The following KCTD5 variants were observed in gnomAD, a reference collection of about 807,000 sequenced individuals.
KCTD5 encodes the protein BTB/POZ domain-containing protein KCTD5.
KCTD5 carries 12 observed loss-of-function variants against 27.9 expected under a neutral mutation model. That is an observed-to-expected ratio of 0.43 (90% CI 0.28 to 0.70). The LOEUF is 0.70. KCTD5 is among the 30% of genes least tolerant of loss of function. The pLI is 0.19. For missense variants in KCTD5, 226 were observed against 274.8 expected (o/e 0.82, Z 1.26); for synonymous variants, 147 against 121.4 (o/e 1.21, Z -1.39).
intron 5 of KCTD5, among the ~76,000 whole-genome samples, chr16:2,703,324 G>T (rs2142059198): frequency 6.6e-6 from 1 of 152,172 alleles, no homozygotes; most frequent in East Asian, 1.9e-4. Context: ...TGGCTGGAGA[G>T]CTCTTGGCTG....
At chr16:2,699,077 C>G (rs1369432779) in intron 3 of KCTD5, 7 of 451,592 alleles carry the variant, frequency 1.6e-5, no homozygotes, top group Non-Finnish European at 8.9e-6. Context: ...GTCACTCAGG[C>G]ATCCCTGGCA....
chr16:2,701,577 C>T (rs1436158984), intron 4 of KCTD5, among the ~76,000 whole-genome samples: 1 of 152,236 alleles, frequency 6.6e-6, no homozygotes, highest in African/African-American at 2.4e-5. Flanking sequence ...GGTCAGCCGC[C>T]AGCTATACAG....
intron 1 of KCTD5, among the ~76,000 whole-genome samples, chr16:2,691,372 G>T (rs1017491827): frequency 1.3e-5 from 2 of 152,232 alleles, no homozygotes; most frequent in African/African-American, 4.8e-5. Flanking sequence ...GAGCTGTGAG[G>T]CCAGCCACAG....
intron 5 of KCTD5, among the ~76,000 whole-genome samples, chr16:2,706,143 G>A (rs2067634771): frequency 6.6e-6 from 1 of 152,216 alleles, no homozygotes; most frequent in Non-Finnish European, 1.5e-5. Context: ...GCTAGAAGTG[G>A]TCCAGGGCAC....
chr16:2,706,690 C>T (rs1246267449), intron 5 of KCTD5, among the ~76,000 whole-genome samples: 6 of 151,710 alleles, frequency 4.0e-5, no homozygotes, highest in Non-Finnish European at 5.9e-5. Flanking sequence ...GGCCGAGGGG[C>T]CGTGGGCTCT....
At chr16:2,704,334 C>G (rs944572170) in intron 5 of KCTD5, among the ~76,000 whole-genome samples, 1 of 152,176 alleles carries the variant, frequency 6.6e-6, no homozygotes, top group African/African-American at 2.4e-5. Flanking sequence ...TGTGGGCCCT[C>G]GTCGCTGGTG....
chr16:2,691,793 A>T (rs1377623210), intron 1 of KCTD5, among the ~76,000 whole-genome samples: 2 of 152,176 alleles, frequency 1.3e-5, no homozygotes, highest in African/African-American at 4.8e-5. Context: ...GAAGTCTTCC[A>T]GAGGCTGCTC....
rs2067548309 is a variant in KCTD5, at chr16:2,688,044, G to C, written c.252+5244G>C. On this transcript the variant is annotated intron_variant, in intron 1 of 5. Coordinates refer to ENST00000301738, the MANE Select transcript of KCTD5 (RefSeq NM_018992.4). ...TGACTTGGGGTGATTTCGTGCCCCTGTGAGCTGTGCTTTCTTCCTCTGTAA... is the reference window on the plus strand; with the variant it reads ...TGACTTGGGGTGATTTCGTGCCCCTCTGAGCTGTGCTTTCTTCCTCTGTAA... 2.0e-5 allele frequency among the ~76,000 whole-genome samples: 3 copies of C among 151,958 alleles called. No individual in the cohort carries two copies. In the East Asian group the frequency reaches 5.8e-4, roughly 29 times the overall value.
chr16:2,697,798 C>A, intron 2 of KCTD5, 108 bp from the exon 3 acceptor site: 1 of 777,658 alleles, frequency 1.3e-6, no homozygotes, highest in Non-Finnish European at 2.2e-6. Context: ...TGGGCCGAGC[C>A]ATGGGCCCTC....
chr16:2,702,916 C>T (rs2142059039), intron 5 of KCTD5, among the ~76,000 whole-genome samples: 1 of 152,286 alleles, frequency 6.6e-6, no homozygotes, highest in South Asian at 2.1e-4. Context: ...CTGGGCCATC[C>T]CTGAGTGCAG....
Position 2,688,489 on chromosome 16 carries a change from C to G in KCTD5, c.252+5689C>G, listed in dbSNP as rs537663339. 1.7e-3 allele frequency among the ~76,000 whole-genome samples: 258 copies of G among 152,044 alleles called. 1 individual carries two copies. The highest frequency in any genetic ancestry group is 2.9e-3 in the Admixed American group (44 of 15,272). On this transcript the variant is annotated intron_variant, in intron 1 of 5. Coordinates refer to ENST00000301738, the MANE Select transcript of KCTD5 (RefSeq NM_018992.4). ...TGGTCTCGAACTCCTGACCTCAGGT[C>G]ATCCGCCCTCCTTGGCCTCCCAAAG...
At chr16:2,682,873 G>A (rs1176435725) in intron 1 of KCTD5, 73 bp downstream of exon 1, 99 of 1,471,970 alleles carry the variant, frequency 6.7e-5, no homozygotes, top group Non-Finnish European at 8.8e-5. Context: ...GCCCTGCTTC[G>A]TGCGGAGGAG....
At chr16:2,704,557 G>A (rs767543754) in intron 5 of KCTD5, among the ~76,000 whole-genome samples, 1 of 152,246 alleles carries the variant, frequency 6.6e-6, no homozygotes, top group Non-Finnish European at 1.5e-5. Flanking sequence ...ACTCAAGGCC[G>A]CCATTTATTC....
At chr16:2,704,648 G>A (rs1043530847) in intron 5 of KCTD5, among the ~76,000 whole-genome samples, 1 of 152,228 alleles carries the variant, frequency 6.6e-6, no homozygotes. Flanking sequence ...TGCCTGGGCG[G>A]CTGAGGAGGG....
chr16:2,688,495 C>T (rs2067552570), intron 1 of KCTD5, among the ~76,000 whole-genome samples: 1 of 152,062 alleles, frequency 6.6e-6, no homozygotes, highest in African/African-American at 2.4e-5. Flanking sequence ...AGGTCATCCG[C>T]CCTCCTTGGC....
intron 5 of KCTD5, 95 bp from the exon 6 acceptor site, chr16:2,707,203 C>A: frequency 3.2e-6 from 4 of 1,266,532 alleles, no homozygotes; most frequent in Non-Finnish European, 4.5e-6. Flanking sequence ...CCCGAGCTAA[C>A]CCCAGGCCTG....
intron 3 of KCTD5, among the ~76,000 whole-genome samples, chr16:2,698,308 C>A (rs551247198): frequency 1.3e-5 from 2 of 152,186 alleles, no homozygotes; most frequent in South Asian, 4.2e-4. Flanking sequence ...GTCGGGGAGA[C>A]CCTGAGGTGG....
intron 1 of KCTD5, chr16:2,683,535 C>T (rs1369610817): frequency 2.0e-5 from 3 of 151,244 alleles, no homozygotes; most frequent in Non-Finnish European, 4.4e-5. Flanking sequence ...GGTTAGTTTG[C>T]AGCTTGTCTT....
At chr16:2,704,076 T>C (rs2067624088) in intron 5 of KCTD5, among the ~76,000 whole-genome samples, 1 of 152,238 alleles carries the variant, frequency 6.6e-6, no homozygotes, top group Admixed American at 6.5e-5. Context: ...CGCTCTGTAC[T>C]GTGAGGAAGC....
Sources: gnomAD v4.1 joint callset for allele counts (sites outside exome capture counted in the v4.1 genomes callset) on GRCh38, gnomAD v4.1.1 for gene constraint, MANE v1.5 for transcripts, NCBI Gene and HGNC (gene_info 2026-07-23, HGNC 2026-07-21) for gene names.